Variants in MYH9 observed in about 807,000 individuals in gnomAD.
MYH9 encodes the protein myosin heavy chain 9.
A neutral mutation model predicts 241.9 loss-of-function variants in MYH9; 29 were observed. The observed-to-expected ratio is 0.12, with a 90% CI of 0.09 to 0.16. The LOEUF is 0.16. MYH9 is among the 10% of genes least tolerant of loss of function. MYH9 has a pLI of 1.00. For missense variants in MYH9, 1,803 were observed against 2,595.5 expected (o/e 0.69, Z 6.63); for synonymous variants, 1,047 against 1,062.6 (o/e 0.99, Z 0.29).
chr22:36,375,012 G>A lies in MYH9; in HGVS notation c.-20+12795C>T, dbSNP rs142962114. Among the ~76,000 whole-genome samples the A allele has an allele frequency of 2.4e-3, 358 of 152,218 alleles. 1 individual carries two copies. Among genetic ancestry groups the A allele is most frequent in the African/African-American group, 8.0e-3 (331 of 41,528 alleles). ...GCCTTCTCCCTGGGTTTCCAGCATC[G>A]GTATCTGGTGGGAGACCATCAGCTC... On this transcript the variant is annotated intron_variant, in intron 1 of 40. Transcript: ENST00000216181.
chr22:36,344,105 G>A (rs559968228), intron 2 of MYH9, among the ~76,000 whole-genome samples: 5 of 152,396 alleles, frequency 3.3e-5, no homozygotes, highest in East Asian at 1.9e-4. Context: ...GGCTAATCCC[G>A]TCAAAGCAGT....
At chr22:36,353,734 C>T (rs1355049263) in intron 1 of MYH9, among the ~76,000 whole-genome samples, 2 of 150,968 alleles carry the variant, frequency 1.3e-5, no homozygotes, top group Non-Finnish European at 2.9e-5. Flanking sequence ...GAACTCCCCC[C>T]ACCGCCTCTC....
Position 36,319,851 on chromosome 22 carries a change from T to G in MYH9, c.1013-216A>C. ...ACCCCCTCCTGGCCGACATGGCCTG[T>G]CCGCACTGCCATTCATGCTGGGCTT... On this transcript the variant is annotated intron_variant, in intron 9 of 40. Transcript: ENST00000216181. 3 of 645,912 alleles carry G rather than the reference T, an allele frequency of 4.6e-6. No homozygotes were observed. The Admixed American group carries it at 7.0e-5, about 15-fold the overall frequency. 40.0% of individuals were successfully genotyped at this position (645,912 alleles called of 1,614,324 possible). A position where few individuals can be genotyped will look rare whatever the true frequency, so the allele number is the denominator to read the frequency against.
intron 1 of MYH9, among the ~76,000 whole-genome samples, chr22:36,363,423 A>C (rs547612878): frequency 1.3e-5 from 2 of 152,280 alleles, no homozygotes; most frequent in South Asian, 4.1e-4. Flanking sequence ...GTCCAAGAGA[A>C]TGACCACTCC....
Position 36,293,316 on chromosome 22 carries a change from C to T in MYH9, c.4095+13G>A, listed in dbSNP as rs1348826380. ...AGCCTGCAGAGTCCGGCCGGTCCCC[C>T]AGGCCTCCAAACCTGGGCATGGAGG... On this transcript the variant is annotated intron_variant, in intron 30 of 40. Coordinates refer to ENST00000216181, the MANE Select transcript of MYH9 (RefSeq NM_002473.6). This position sits in a 1 kb window ranked among gnomAD's most constrained non-coding sequence, Gnocchi z 5.1. 6.2e-7 allele frequency: 1 copy of T among 1,613,532 alleles called. No individual in the cohort carries two copies. Among genetic ancestry groups the T allele is most frequent in the African/African-American group, 1.3e-5 (1 of 75,050 alleles).
At chr22:36,381,556 C>G (rs2018256111) in intron 1 of MYH9, among the ~76,000 whole-genome samples, 1 of 151,898 alleles carries the variant, frequency 6.6e-6, no homozygotes, top group South Asian at 2.1e-4. Context: ...GTACTGCTCA[C>G]TCCCTGCTCC....
rs1328005977 is a variant in MYH9, at chr22:36,306,020, T to C, written c.2069A>G (p.Asp690Gly). 2 of 1,613,242 alleles carry C rather than the reference T, an allele frequency of 1.2e-6. No individual in the cohort carries two copies. The highest frequency in any genetic ancestry group is 2.2e-5 in the South Asian group (2 of 91,074). Reference sequence around the variant, plus strand: ...GAGAACACCGTTGCAGCGCAGCTGGTCCAGCACGAGATGCGGGTCCAGCTT... The same window carrying C: ...GAGAACACCGTTGCAGCGCAGCTGGCCCAGCACGAGATGCGGGTCCAGCTT... ...AGKLDPHLVL[D>G]QLRCNGVLEG... Residue 690 changes from aspartate (D) to glycine (G), a missense_variant, in exon 17 of 41, where the codon GAC becomes GGC. By Grantham distance (94) the Asp-to-Gly change is moderately conservative (BLOSUM62 -1). Transcript: ENST00000216181. This position sits in a 1 kb window ranked among gnomAD's most constrained non-coding sequence, Gnocchi z 4.1.
chr22:36,356,140 T>C (rs529341229), intron 1 of MYH9, among the ~76,000 whole-genome samples: 1 of 152,322 alleles, frequency 6.6e-6, no homozygotes, highest in Non-Finnish European at 1.5e-5. Context: ...TCACCACTGA[T>C]GTATGCAAGC....
chr22:36,355,284 C>T (rs1298485956), intron 1 of MYH9, among the ~76,000 whole-genome samples: 1 of 152,122 alleles, frequency 6.6e-6, no homozygotes, highest in Non-Finnish European at 1.5e-5. Flanking sequence ...ATAGGTTGAC[C>T]AAAAACATCT....
At chr22:36,309,170 A>G in intron 15 of MYH9, 112 bp downstream of exon 15, 1 of 907,982 alleles carries the variant, frequency 1.1e-6, no homozygotes, top group Non-Finnish European at 1.8e-6. Flanking sequence ...CACCTGGCCT[A>G]TGTCAGGGGG....
intron 1 of MYH9, among the ~76,000 whole-genome samples, chr22:36,385,388 C>G (rs894746670): frequency 2.0e-5 from 3 of 152,110 alleles, no homozygotes; most frequent in African/African-American, 4.8e-5. Flanking sequence ...AATACCCTAC[C>G]AGGCTACACA....
At chr22:36,309,601 G>A (rs2017028634) in intron 14 of MYH9, among the ~76,000 whole-genome samples, 1 of 152,230 alleles carries the variant, frequency 6.6e-6, no homozygotes, top group South Asian at 2.1e-4. Context: ...CTCGTGCAGA[G>A]CCAAAGCCTC....
chr22:36,284,773 G>A (rs915392122), intron 38 of MYH9, among the ~76,000 whole-genome samples: 3 of 152,142 alleles, frequency 2.0e-5, no homozygotes, highest in Admixed American at 1.3e-4. Flanking sequence ...GAGGTCTGGG[G>A]GCCTACTGTA....
At chr22:36,324,121 C>G (rs1231135368) in intron 5 of MYH9, among the ~76,000 whole-genome samples, 1 of 152,252 alleles carries the variant, frequency 6.6e-6, no homozygotes, top group Non-Finnish European at 1.5e-5. Context: ...CTGTGCTCGC[C>G]CTGGCTGGGA....
At position 36,352,310 on chromosome 22, in the gene MYH9, C is replaced by A. The variant is rs16996691; in HGVS notation, c.-19-3055G>T. The stretch of plus-strand genomic sequence containing the variant: ...TCCCAGTGTGGACCACATGGCCCGT[C>A]AAAAAGCAGGCACGTTAGAACTCAA... On this transcript the variant is annotated intron_variant, in intron 1 of 40. Coordinates refer to ENST00000216181, the MANE Select transcript of MYH9 (RefSeq NM_002473.6). 1.0e-2 allele frequency among the ~76,000 whole-genome samples: 1,520 copies of A among 152,304 alleles called. 22 individuals are homozygous for A. Among genetic ancestry groups the A allele is most frequent in the African/African-American group, 0.03 (1,259 of 41,560 alleles).
At chr22:36,299,629 C>A (rs1047766882) in intron 23 of MYH9, among the ~76,000 whole-genome samples, 2 of 152,166 alleles carry the variant, frequency 1.3e-5, no homozygotes, top group Non-Finnish European at 2.9e-5. Flanking sequence ...TGAGGAGGCC[C>A]GAAAGGTGGG....
intron 1 of MYH9, among the ~76,000 whole-genome samples, chr22:36,379,377 C>T (rs1426446846): frequency 1.3e-5 from 2 of 152,116 alleles, no homozygotes; most frequent in Non-Finnish European, 2.9e-5. Context: ...GGCGTGGTGG[C>T]GGGTGCCTGT....
intron 5 of MYH9, among the ~76,000 whole-genome samples, chr22:36,324,062 G>A (rs1390565038): frequency 6.6e-6 from 1 of 152,246 alleles, no homozygotes; most frequent in African/African-American, 2.4e-5. Context: ...CAGGCTGGCT[G>A]AACCGCTCCC....
intron 6 of MYH9, 62 bp downstream of exon 6, chr22:36,322,367 T>C (rs1168425003): frequency 8.9e-6 from 14 of 1,565,610 alleles, no homozygotes; most frequent in Non-Finnish European, 1.1e-5. Flanking sequence ...AAAGGCAGCA[T>C]GAGCCAAAGC....
Sources: gnomAD v4.1 joint callset for allele counts (sites outside exome capture counted in the v4.1 genomes callset) on GRCh38, gnomAD v4.1.1 for gene constraint, Gnocchi (gnomAD v3.1) non-coding constraint, MANE v1.5 for transcripts, NCBI Gene and HGNC (gene_info 2026-07-23, HGNC 2026-07-21) for gene names.